The following GRM5 variants were observed in gnomAD, a reference collection of about 807,000 sequenced individuals.
GRM5 encodes glutamate metabotropic receptor 5, also known as metabotropic glutamate receptor 5.
GRM5 carries 19 observed loss-of-function variants against 83.1 expected under a neutral mutation model. The observed-to-expected ratio is 0.23, with a 90% confidence interval of 0.16 to 0.34. The LOEUF (loss-of-function observed/expected upper bound fraction) is 0.34. GRM5 is among the 10% of genes least tolerant of loss of function. The pLI is 1.00. For synonymous variants in GRM5, 675 were observed against 633.6 expected (o/e 1.07, Z -0.98); for missense variants, 1,160 against 1,588.3 (o/e 0.73, Z 4.58).
chr11:88,794,161 A>C (rs1943231563), intron 3 of GRM5, among the ~76,000 whole-genome samples: 1 of 152,124 alleles, frequency 6.6e-6, no homozygotes, highest in Non-Finnish European at 1.5e-5. Flanking sequence ...TGGAACATGC[A>C]TGTTCTTAAG....
At chr11:88,552,384 G>A (rs1206014886) in intron 8 of GRM5, among the ~76,000 whole-genome samples, 1 of 152,146 alleles carries the variant, frequency 6.6e-6, no homozygotes, top group Non-Finnish European at 1.5e-5. Context: ...AGCAAACCAA[G>A]AGATGAAATT....
intron 2 of GRM5, among the ~76,000 whole-genome samples, chr11:89,040,918 C>A (rs977245040): frequency 2.8e-4 from 43 of 152,130 alleles, no homozygotes; most frequent in Non-Finnish European, 6.0e-4. Context: ...TTATGTTGGG[C>A]AGAATTTACT....
chr11:88,949,383 A>C (rs572789912), intron 2 of GRM5, among the ~76,000 whole-genome samples: 2 of 152,358 alleles, frequency 1.3e-5, no homozygotes, highest in South Asian at 4.1e-4. Context: ...AATTCTTATG[A>C]AGGCAATACA....
intron 8 of GRM5, among the ~76,000 whole-genome samples, chr11:88,529,756 T>G (rs1016930492): frequency 6.6e-6 from 1 of 151,800 alleles, no homozygotes; most frequent in African/African-American, 2.4e-5. Context: ...AGATGAAAAA[T>G]AGAGCACAGT....
intron 2 of GRM5, among the ~76,000 whole-genome samples, chr11:89,042,126 C>T (rs1257145239): frequency 6.6e-6 from 1 of 152,092 alleles, no homozygotes; most frequent in Admixed American, 6.6e-5. Context: ...CTCACTGCAA[C>T]CTCCACCTCC....
intron 3 of GRM5, among the ~76,000 whole-genome samples, chr11:88,687,433 C>T (rs2135353697): frequency 7.1e-6 from 1 of 140,774 alleles, no homozygotes; most frequent in Admixed American, 7.5e-5. Context: ...GCCGAGATCG[C>T]TTCACTGCAC....
intron 3 of GRM5, among the ~76,000 whole-genome samples, chr11:88,720,821 CGTGTGT>C (rs869078157): frequency 7.3e-6 from 1 of 137,148 alleles, no homozygotes; most frequent in East Asian, 2.1e-4. Context: ...TGTGTGTGTG[CGTGTGT>C]GTGTGTGTGT....
chr11:89,034,519 T>G (rs1252647354), intron 2 of GRM5, among the ~76,000 whole-genome samples: 1 of 151,882 alleles, frequency 6.6e-6, no homozygotes, highest in African/African-American at 2.4e-5. Flanking sequence ...GCCATGGCTT[T>G]GTATATATCT....
At chr11:88,629,421 T>G (rs546743828) in intron 4 of GRM5, among the ~76,000 whole-genome samples, 2 of 152,292 alleles carry the variant, frequency 1.3e-5, no homozygotes, top group South Asian at 4.1e-4. Flanking sequence ...TCTCTCCTTG[T>G]TTTAATCTTC....
chr11:88,813,766 G>A (rs936744324), intron 3 of GRM5, among the ~76,000 whole-genome samples: 10 of 152,104 alleles, frequency 6.6e-5, no homozygotes, highest in Non-Finnish European at 1.3e-4. Context: ...AACATATAAA[G>A]ATTCATATAA....
At chr11:88,660,556 A>C (rs1270837758) in intron 3 of GRM5, among the ~76,000 whole-genome samples, 3 of 152,170 alleles carry the variant, frequency 2.0e-5, no homozygotes, top group Non-Finnish European at 2.9e-5. Flanking sequence ...CAATCTAAAA[A>C]TGTTGGAATC....
intron 2 of GRM5, among the ~76,000 whole-genome samples, chr11:88,997,477 A>G (rs1940224435): frequency 6.6e-6 from 1 of 151,946 alleles, no homozygotes; most frequent in Admixed American, 6.6e-5. Flanking sequence ...TAAACTTGAA[A>G]ATAAAAAATA....
chr11:88,961,362 A>ATTT (rs5793371), intron 2 of GRM5, among the ~76,000 whole-genome samples: 1 of 144,342 alleles, frequency 6.9e-6, no homozygotes, highest in African/African-American at 2.5e-5. Flanking sequence ...ATGTTACAGC[A>ATTT]TTTTTTTTTT....
chr11:88,574,446 C>T (rs1373409414), intron 7 of GRM5, among the ~76,000 whole-genome samples: 2 of 152,054 alleles, frequency 1.3e-5, no homozygotes, highest in Non-Finnish European at 2.9e-5. Flanking sequence ...CTTACTTCTG[C>T]CTAGGGACGT....
At chr11:88,886,969 A>G (rs1483164458) in intron 2 of GRM5, among the ~76,000 whole-genome samples, 1 of 152,174 alleles carries the variant, frequency 6.6e-6, no homozygotes, top group Non-Finnish European at 1.5e-5. Context: ...TGAAAAGCAC[A>G]TGACATTTCA....
chr11:88,852,561 A>G (rs1390951125), intron 2 of GRM5, among the ~76,000 whole-genome samples: 1 of 152,134 alleles, frequency 6.6e-6, no homozygotes, highest in East Asian at 1.9e-4. Flanking sequence ...CTAGCAGAAT[A>G]AAGTATTATT....
chr11:89,049,930 A>G (rs1941723269), intron 1 of GRM5, among the ~76,000 whole-genome samples: 2 of 152,334 alleles, frequency 1.3e-5, no homozygotes, highest in South Asian at 4.1e-4. Context: ...GCTGCAGACA[A>G]AAAGAAATAT....
At chr11:88,808,549 G>C (rs1943536864) in intron 3 of GRM5, among the ~76,000 whole-genome samples, 1 of 151,920 alleles carries the variant, frequency 6.6e-6, no homozygotes, top group Non-Finnish European at 1.5e-5. Context: ...CTTTAGTGAA[G>C]TGAAAAAGTA....
chr11:88,848,194 G>A (rs1482638393), intron 3 of GRM5, among the ~76,000 whole-genome samples: 2 of 152,032 alleles, frequency 1.3e-5, no homozygotes, highest in Non-Finnish European at 2.9e-5. Context: ...AAACTAACTG[G>A]TACATCATTC....
Sources: allele counts gnomAD v4.1 joint callset (sites outside exome capture counted in the v4.1 genomes callset), GRCh38; gene constraint gnomAD v4.1.1; transcripts MANE v1.5; gene names NCBI Gene and HGNC (gene_info 2026-07-23, HGNC 2026-07-21).